Variants in ZNF804B observed in about 807,000 individuals in gnomAD.
ZNF804B encodes the protein zinc finger protein 804B.
ZNF804B carries 80 observed loss-of-function variants against 101.4 expected under a neutral mutation model. That is an observed-to-expected ratio of 0.79 (90% CI 0.66 to 0.95). ZNF804B has a LOEUF of 0.95. Ranked by LOEUF, ZNF804B falls within the 40% of genes least tolerant of loss-of-function variation. The probability of loss-of-function intolerance (pLI) is 0.00; values close to 1 mark genes in which losing one functional copy is unlikely to be tolerated. For synonymous variants in ZNF804B, 622 were observed against 558.8 expected (o/e 1.11, Z -1.59); for missense variants, 1,673 against 1,561.9 (o/e 1.07, Z -1.20).
chr7:88,871,853 A>G (rs572474425), intron 1 of ZNF804B, among the ~76,000 whole-genome samples: 149 of 152,274 alleles, frequency 9.8e-4, no homozygotes, highest in Non-Finnish European at 1.7e-3. Context: ...CTGTAATCCC[A>G]GCTACTACGG....
chr7:89,131,683 G>A (rs1198394074), intron 1 of ZNF804B, among the ~76,000 whole-genome samples: 1 of 151,974 alleles, frequency 6.6e-6, no homozygotes, highest in Non-Finnish European at 1.5e-5. Context: ...TAAGAAAATT[G>A]TCTCCTTAGG....
intron 1 of ZNF804B, among the ~76,000 whole-genome samples, chr7:88,823,205 AAAAAC>A (rs768873975): frequency 1.9e-4 from 29 of 152,238 alleles, no homozygotes; most frequent in Non-Finnish European, 3.2e-4. Flanking sequence ...AGACTGTCTA[AAAAAC>A]AAAACAAAAC....
chr7:88,905,383 AGTCT>A (rs1792453837), intron 1 of ZNF804B, among the ~76,000 whole-genome samples: 2 of 151,206 alleles, frequency 1.3e-5, no homozygotes, highest in Admixed American at 1.3e-4. Context: ...TTTTAGATGG[AGTCT>A]CACTCTGTCA....
chr7:89,118,795 A>G (rs1790355202), intron 1 of ZNF804B, among the ~76,000 whole-genome samples: 1 of 152,140 alleles, frequency 6.6e-6, no homozygotes, highest in South Asian at 2.1e-4. Flanking sequence ...AAGAACTGCA[A>G]AATTTGTCCT....
intron 1 of ZNF804B, among the ~76,000 whole-genome samples, chr7:89,033,709 T>A: frequency 6.6e-6 from 1 of 152,112 alleles, no homozygotes; most frequent in East Asian, 1.9e-4. Context: ...AAGAATACCT[T>A]TCCTGATGAA....
chr7:88,977,813 G>A (rs796802620), intron 1 of ZNF804B, among the ~76,000 whole-genome samples: 12 of 151,024 alleles, frequency 7.9e-5, no homozygotes, highest in African/African-American at 2.9e-4. Flanking sequence ...TCTTTAAGAT[G>A]CATCATTAGG....
intron 1 of ZNF804B, among the ~76,000 whole-genome samples, chr7:89,121,704 T>C (rs529589461): frequency 7.9e-5 from 12 of 152,340 alleles, no homozygotes; most frequent in African/African-American, 2.9e-4. Context: ...TCTAAAGATT[T>C]ACCCAGAGGT....
At chr7:88,852,960 A>C (rs949726663) in intron 1 of ZNF804B, among the ~76,000 whole-genome samples, 3 of 152,098 alleles carry the variant, frequency 2.0e-5, no homozygotes, top group Non-Finnish European at 4.4e-5. Flanking sequence ...TCATCAAACA[A>C]TGGTTTTCCT....
intron 1 of ZNF804B, among the ~76,000 whole-genome samples, chr7:88,903,361 G>A (rs188695725): frequency 3.3e-5 from 5 of 152,216 alleles, no homozygotes; most frequent in Non-Finnish European, 5.9e-5. Context: ...CCATTGATGG[G>A]CACCTAGCTT....
At chr7:89,070,857 CTGTA>C (rs1233021524) in intron 1 of ZNF804B, among the ~76,000 whole-genome samples, 1 of 152,002 alleles carries the variant, frequency 6.6e-6, no homozygotes, top group Non-Finnish European at 1.5e-5. Context: ...AAGAGAAAAA[CTGTA>C]TACTCTCTTA....
chr7:88,770,313 G>A (rs1415448442), intron 1 of ZNF804B, among the ~76,000 whole-genome samples: 1 of 152,134 alleles, frequency 6.6e-6, no homozygotes, highest in African/African-American at 2.4e-5. Context: ...AATCACAAGG[G>A]TCATAAGAGG....
intron 1 of ZNF804B, among the ~76,000 whole-genome samples, chr7:89,177,120 T>C (rs1407427009): frequency 6.6e-6 from 1 of 152,176 alleles, no homozygotes; most frequent in East Asian, 1.9e-4. Context: ...TGTTCGAATT[T>C]ATTTCTGCTC....
intron 1 of ZNF804B, among the ~76,000 whole-genome samples, chr7:88,773,973 C>A (rs1790107175): frequency 6.6e-6 from 1 of 151,708 alleles, no homozygotes. Context: ...TGGGTGGGGA[C>A]AAATATCCAA....
intron 1 of ZNF804B, chr7:88,795,013 C>T (rs760517735): frequency 3.1e-6 from 4 of 1,305,814 alleles, no homozygotes; most frequent in South Asian, 1.8e-5. Flanking sequence ...TGCCAGGGTA[C>T]CTCTTTACTG....
At chr7:88,795,843 C>T (rs956209684) in intron 1 of ZNF804B, 3 of 152,122 alleles carry the variant, frequency 2.0e-5, no homozygotes, top group African/African-American at 7.2e-5. Context: ...TCGACAAACA[C>T]TTCAAAGTCA....
chr7:88,853,752 A>G (rs1791479541), intron 1 of ZNF804B, among the ~76,000 whole-genome samples: 1 of 152,100 alleles, frequency 6.6e-6, no homozygotes, highest in Non-Finnish European at 1.5e-5. Flanking sequence ...TTGGCTAAAA[A>G]TTTCACCAAT....
rs150762386 is a variant in ZNF804B at position 89,068,273 on chromosome 7, C to G, written c.109-149882C>G. Reference sequence around the variant, plus strand: ...CAATATATTCCCGTTTTGTTACTTTCCATAATAAGAGTACATGTCTAGAAT... The same window carrying G: ...CAATATATTCCCGTTTTGTTACTTTGCATAATAAGAGTACATGTCTAGAAT... On this transcript the variant is annotated intron_variant, in intron 1 of 3. Coordinates refer to ENST00000333190, the MANE Select transcript of ZNF804B (RefSeq NM_181646.5). 4.5e-4 allele frequency among the ~76,000 whole-genome samples: 68 copies of G among 151,600 alleles called. 1 individual carries two copies. In the East Asian group the frequency reaches 9.5e-3, roughly 21 times the overall value.
intron 1 of ZNF804B, among the ~76,000 whole-genome samples, chr7:89,032,717 AG>A (rs1562865833): frequency 6.6e-6 from 1 of 152,112 alleles, no homozygotes; most frequent in Non-Finnish European, 1.5e-5. Flanking sequence ...GAGAGACATC[AG>A]GGAGTAGGAG....
chr7:89,289,444 A>G (rs1361948942), intron 2 of ZNF804B, among the ~76,000 whole-genome samples: 1 of 152,198 alleles, frequency 6.6e-6, no homozygotes, highest in Non-Finnish European at 1.5e-5. Flanking sequence ...TCCCTGAAAG[A>G]GGTACTGAAG....
Sources: gnomAD v4.1 joint callset for allele counts (sites outside exome capture counted in the v4.1 genomes callset) on GRCh38, gnomAD v4.1.1 for gene constraint, MANE v1.5 for transcripts, NCBI Gene and HGNC (gene_info 2026-07-23, HGNC 2026-07-21) for gene names.